PRPF18: variants seen among roughly 807,000 people sequenced by gnomAD.
PRPF18 encodes the protein pre-mRNA processing factor 18.
In PRPF18, 38 loss-of-function variants were observed where a neutral mutation model predicts 46.5. The ratio of observed to expected loss-of-function variants is 0.82; its 90% CI spans 0.63 to 1.07. PRPF18 has a LOEUF of 1.07. Among genes scored for constraint, PRPF18 ranks in the 50% least tolerant of loss-of-function variants. The pLI, the probability that PRPF18 is intolerant of heterozygous loss-of-function variation, is 0.00. For missense variants in PRPF18, 263 were observed against 410.0 expected (o/e 0.64, Z 3.10); for synonymous variants, 152 against 146.7 (o/e 1.04, Z -0.26).
intron 9 of PRPF18, among the ~76,000 whole-genome samples, chr10:13,616,834 G>A (rs779321929): frequency 4.6e-5 from 7 of 151,490 alleles, no homozygotes; most frequent in Non-Finnish European, 1.0e-4. Flanking sequence ...TTTTTAAGAC[G>A]TGTATTAGGA....
chr10:13,653,716 T>C, the PRPF18 span: 5 of 152,132 alleles, frequency 3.3e-5, no homozygotes, highest in African/African-American at 1.2e-4. Context: ...TTAGAGATGA[T>C]GTCTCAGGGG....
At chr10:13,621,281 G>A (rs1242400938) in intron 9 of PRPF18, among the ~76,000 whole-genome samples, 1 of 152,216 alleles carries the variant, frequency 6.6e-6, no homozygotes, top group African/African-American at 2.4e-5. Flanking sequence ...AACACTGATA[G>A]GCACCCTTGC....
chr10:13,647,994 G>A, the PRPF18 span: 1 of 149,994 alleles, frequency 6.7e-6, no homozygotes, highest in Non-Finnish European at 1.5e-5. Context: ...GAGCGGGTGA[G>A]TTTTAGGAGC....
chr10:13,632,091 C>T (rs943654992), downstream of PRPF18: 3 of 152,618 alleles, frequency 2.0e-5, no homozygotes, highest in Admixed American at 6.5e-5. Flanking sequence ...CCTGTAATCC[C>T]AGCACTTTGG....
chr10:13,624,643 A>C (rs568614117), intron 9 of PRPF18, among the ~76,000 whole-genome samples: 1 of 152,238 alleles, frequency 6.6e-6, no homozygotes, highest in African/African-American at 2.4e-5. Context: ...GGAATATACA[A>C]TATTGACAAA....
At chr10:13,639,748 C>G in the PRPF18 span, 1 of 152,166 alleles carries the variant, frequency 6.6e-6, no homozygotes, top group Non-Finnish European at 1.5e-5. Flanking sequence ...CAGCTCCAGA[C>G]ACATCTTCAT....
Position 13,592,755 on chromosome 10 carries a change from T to C in PRPF18, c.67-4703T>C, listed in dbSNP as rs553071160. Among the ~76,000 whole-genome samples the C allele has an allele frequency of 3.3e-5, 5 of 152,170 alleles. No homozygotes were observed. In the South Asian group the frequency reaches 8.3e-4, roughly 25 times the overall value. On this transcript the variant is annotated intron_variant, in intron 1 of 9. Transcript: ENST00000378572. ...GCTGCTCTAGAAACTCAATGGGGAG[T>C]AATTAGTAGTTTTACTAGTTGTAGT...
In PRPF18 at chr10:13,614,014, G is replaced by T; in HGVS notation, c.721-1G>T. On this transcript the variant is annotated splice_acceptor_variant, in intron 7 of 9. Coordinates refer to ENST00000378572, the MANE Select transcript of PRPF18 (RefSeq NM_003675.4). LOFTEE classifies it high-confidence loss of function. Reference sequence around the variant, plus strand: ...CAAAATTTCTTATTTATTTTTTTCAGAATCTTCCTGCTGATATTAAAGAAT... The same window carrying T: ...CAAAATTTCTTATTTATTTTTTTCATAATCTTCCTGCTGATATTAAAGAAT... 6.4e-7 allele frequency: 1 copy of T among 1,574,592 alleles called. No individual in the cohort carries two copies. The highest frequency in any genetic ancestry group is 1.2e-5 in the South Asian group (1 of 84,652).
intron 1 of PRPF18, among the ~76,000 whole-genome samples, chr10:13,596,868 C>T (rs1018746731): frequency 6.6e-6 from 1 of 152,040 alleles, no homozygotes; most frequent in Non-Finnish European, 1.5e-5. Flanking sequence ...AACAGAAAAC[C>T]AGAAAAACGC....
chr10:13,642,608 G>A, the PRPF18 span: 18 of 152,296 alleles, frequency 1.2e-4, no homozygotes, highest in African/African-American at 4.1e-4. Flanking sequence ...GAAAGAAATG[G>A]GAAGAGGATC....
intron 9 of PRPF18, among the ~76,000 whole-genome samples, chr10:13,623,158 G>A (rs1054100633): frequency 1.2e-3 from 183 of 151,972 alleles, no homozygotes; most frequent in Admixed American, 2.2e-3. Flanking sequence ...CCGAGATTGC[G>A]CCACTGCACT....
intron 9 of PRPF18, among the ~76,000 whole-genome samples, chr10:13,628,507 G>A (rs1295452637): frequency 2.0e-5 from 3 of 152,068 alleles, no homozygotes; most frequent in Non-Finnish European, 2.9e-5. Context: ...CAATGTAAAT[G>A]CTATTTAAAT....
At chr10:13,588,846 CCCCTT>C (rs2079916120) in intron 1 of PRPF18, among the ~76,000 whole-genome samples, 2 of 152,152 alleles carry the variant, frequency 1.3e-5, no homozygotes, top group African/African-American at 4.8e-5. Context: ...GGTCTCAGGA[CCCCTT>C]CACACTCTTA....
the PRPF18 span, chr10:13,641,777 G>T: frequency 1.3e-5 from 2 of 152,288 alleles, no homozygotes; most frequent in Non-Finnish European, 2.9e-5. Flanking sequence ...TTAACCATTG[G>T]ATTTGGCATT....
In PRPF18 at chr10:13,605,771, A is replaced by G. The variant is rs758158026; in HGVS notation, c.363+27A>G. ...TAAGAGGACAGAACAAAGCTAGAAA[A>G]ATACCACTGTACTGCATTCACTAGA... is the stretch of plus-strand genomic sequence containing the variant. On this transcript the variant is annotated intron_variant, in intron 4 of 9. Transcript: ENST00000378572. 4 of 1,597,998 alleles carry G rather than the reference A, an allele frequency of 2.5e-6. No individual in the cohort carries two copies. The South Asian group carries it at 4.6e-5, about 18-fold the overall frequency.
intron 1 of PRPF18, among the ~76,000 whole-genome samples, chr10:13,590,860 A>T (rs918440713): frequency 2.6e-5 from 4 of 152,172 alleles, no homozygotes; most frequent in African/African-American, 7.2e-5. Flanking sequence ...ACCTGTACAG[A>T]TAGAATGGAT....
chr10:13,625,344 G>A (rs1424596076), intron 9 of PRPF18, among the ~76,000 whole-genome samples: 2 of 152,146 alleles, frequency 1.3e-5, no homozygotes, highest in South Asian at 2.1e-4. Context: ...CTTAGGTAAC[G>A]TTGTAGCCAT....
At chr10:13,614,222 C>A (rs189578359) in intron 8 of PRPF18, 136 bp downstream of exon 8, 2 of 681,456 alleles carry the variant, frequency 2.9e-6, no homozygotes, top group Non-Finnish European at 4.6e-6. Context: ...TAGTAAAAAG[C>A]GTTTTATTTT....
chr10:13,645,472 A>G, the PRPF18 span: 1 of 152,578 alleles, frequency 6.6e-6, no homozygotes, highest in African/African-American at 2.4e-5. Flanking sequence ...TTACTATAAA[A>G]GTATTTTTGA....
Sources: allele counts gnomAD v4.1 joint callset (sites outside exome capture counted in the v4.1 genomes callset), GRCh38; gene constraint gnomAD v4.1.1; transcripts MANE v1.5; gene names NCBI Gene and HGNC (gene_info 2026-07-23, HGNC 2026-07-21).